RBM46: variants seen among roughly 807,000 people sequenced by gnomAD.
The protein encoded by RBM46 is probable RNA-binding protein 46.
A neutral mutation model predicts 43.3 loss-of-function variants in RBM46; 12 were observed. The ratio of observed to expected loss-of-function variants is 0.28; its 90% CI spans 0.18 to 0.45. The LOEUF is 0.45. RBM46 is among the 20% of genes least tolerant of loss of function. The pLI is 1.00. For synonymous variants in RBM46, 205 were observed against 207.6 expected, an observed-to-expected ratio of 0.99 and a Z score of 0.11; for missense variants, 412 against 639.1, an observed-to-expected ratio of 0.64 and a Z score of 3.83.
chr4:154,793,280 T>C (rs965937418), intron 1 of RBM46, among the ~76,000 whole-genome samples: 3 of 152,226 alleles, frequency 2.0e-5, no homozygotes, highest in East Asian at 3.8e-4. Flanking sequence ...AGGAGCTAGA[T>C]ATTTTCTAGA....
chr4:154,805,496 T>G (rs1320533991), intron 4 of RBM46, among the ~76,000 whole-genome samples: 1 of 152,096 alleles, frequency 6.6e-6, no homozygotes, highest in Non-Finnish European at 1.5e-5. Flanking sequence ...TTAGTAGATA[T>G]ATATTCTAAG....
At chr4:154,821,461 A>G (rs1405740766) in intron 4 of RBM46, among the ~76,000 whole-genome samples, 4 of 151,698 alleles carry the variant, frequency 2.6e-5, no homozygotes, top group African/African-American at 7.2e-5. Context: ...TTTTTCTCTC[A>G]TAAGCTGCTG....
chr4:154,794,212 A>C, intron 1 of RBM46, among the ~76,000 whole-genome samples: 2 of 115,878 alleles, frequency 1.7e-5, no homozygotes, highest in African/African-American at 3.6e-5. Flanking sequence ...ATGGATTCTC[A>C]CTCTTTGGCC....
chr4:154,818,005 C>T (rs991861645), intron 4 of RBM46, among the ~76,000 whole-genome samples: 4 of 151,984 alleles, frequency 2.6e-5, no homozygotes, highest in Non-Finnish European at 5.9e-5. Context: ...GAACTTAGTA[C>T]ACTTTGACTT....
rs1256698747 is a variant in RBM46, at chr4:154,784,000, T to TCCATTGACCTGGCAA, written c.-12+2584_-12+2598dup. ...GCTGCTTAAAAACAAACAGAAAACCTCCATTGACCTGGCAACCATTGACCT... is the reference window on the plus strand; with the variant it reads ...GCTGCTTAAAAACAAACAGAAAACCTCCATTGACCTGGCAACCATTGACCTGGCAACCATTGACCT... On this transcript the variant is annotated intron_variant, in intron 1 of 4. Coordinates refer to ENST00000281722, the MANE Select transcript of RBM46 (RefSeq NM_144979.5). 3.3e-5 allele frequency among the ~76,000 whole-genome samples: 5 copies of TCCATTGACCTGGCAA among 152,126 alleles called. No individual in the cohort carries two copies. In the East Asian group the frequency reaches 7.8e-4, roughly 24 times the overall value.
At chr4:154,788,368 G>T (rs1366070018) in intron 1 of RBM46, among the ~76,000 whole-genome samples, 1 of 152,144 alleles carries the variant, frequency 6.6e-6, no homozygotes, top group Non-Finnish European at 1.5e-5. Context: ...TTTATATAAG[G>T]TGTAAGGAAG....
rs34773010 is a variant in RBM46 at position 154,828,370 on chromosome 4, GTTTT to G, written c.*315_*318del. 3.6e-5 allele frequency: 7 copies of G among 195,086 alleles called. No individual in the cohort carries two copies. The highest frequency in any genetic ancestry group is 8.3e-5 in the South Asian group (1 of 12,034). 12.1% of individuals were successfully genotyped at this position (195,086 alleles called of 1,614,324 possible). ...TGGGCAATAGAACCTAGTCATTTAT[GTTTT>G]TTTTTTTTTTTGCATAATTTTACTA... is the stretch of plus-strand genomic sequence containing the variant. On this transcript the variant is annotated 3_prime_UTR_variant, in exon 5 of 5. Coordinates refer to ENST00000281722, the MANE Select transcript of RBM46 (RefSeq NM_144979.5).
In RBM46 at chr4:154,828,112, A is replaced by AAC; in HGVS notation, c.*45_*46insAC. Reference sequence around the variant, plus strand: ...ATGAAAATTTGTGTAAATTTGTAGTATGAAAACTTGCAAATTAAAATATTG... The same window carrying AAC: ...ATGAAAATTTGTGTAAATTTGTAGTAACTGAAAACTTGCAAATTAAAATATTG... On this transcript the variant is annotated 3_prime_UTR_variant, in exon 5 of 5. Coordinates refer to ENST00000281722, the MANE Select transcript of RBM46 (RefSeq NM_144979.5). 7.3e-7 allele frequency: 1 copy of AAC among 1,370,318 alleles called. No individual in the cohort carries two copies. Among genetic ancestry groups the AAC allele is most frequent in the East Asian group, 2.3e-5 (1 of 43,676 alleles). 84.9% of individuals were successfully genotyped at this position (1,370,318 alleles called of 1,614,324 possible).
chr4:154,800,574 C>T (rs1161126768), intron 4 of RBM46, among the ~76,000 whole-genome samples: 2 of 152,072 alleles, frequency 1.3e-5, no homozygotes, highest in Non-Finnish European at 2.9e-5. Flanking sequence ...ATGGTGTTTT[C>T]CTACTTTCTG....
At chr4:154,802,570 G>C (rs979805446) in intron 4 of RBM46, among the ~76,000 whole-genome samples, 13 of 152,128 alleles carry the variant, frequency 8.5e-5, no homozygotes, top group African/African-American at 3.1e-4. Context: ...TGGTGGTAGT[G>C]GTGTGTTCTT....
At chr4:154,804,675 C>A (rs1027072098) in intron 4 of RBM46, among the ~76,000 whole-genome samples, 2 of 152,068 alleles carry the variant, frequency 1.3e-5, no homozygotes, top group Non-Finnish European at 2.9e-5. Context: ...AATACTGATA[C>A]AAGTGGTATT....
intron 4 of RBM46, among the ~76,000 whole-genome samples, chr4:154,804,076 ATGAATAAAAGTTCCT>A (rs1324918392): frequency 6.6e-6 from 1 of 152,174 alleles, no homozygotes; most frequent in Non-Finnish European, 1.5e-5. Flanking sequence ...GCCCTCAGCC[ATGAATAAAAGTTCCT>A]TGAGGCCTTC....
At chr4:154,825,043 C>A (rs156562) in intron 4 of RBM46, among the ~76,000 whole-genome samples, 4,907 of 151,964 alleles carry the variant, frequency 0.032, 282 homozygotes, top group African/African-American at 0.11. Flanking sequence ...ATCAGTGTTC[C>A]AAGTGTTAAG....
chr4:154,807,093 T>C (rs1734942863), intron 4 of RBM46, among the ~76,000 whole-genome samples: 1 of 151,804 alleles, frequency 6.6e-6, no homozygotes, highest in African/African-American at 2.4e-5. Context: ...TTCATATTTT[T>C]AAAAATGGTT....
chr4:154,818,208 G>A (rs1353556776), intron 4 of RBM46, among the ~76,000 whole-genome samples: 2 of 151,918 alleles, frequency 1.3e-5, no homozygotes, highest in Non-Finnish European at 2.9e-5. Flanking sequence ...CCATCTCTAA[G>A]CTTCCACTAG....
intron 4 of RBM46, 91 bp downstream of exon 4, chr4:154,799,655 T>G (rs1394828015): frequency 1.2e-6 from 1 of 848,246 alleles, no homozygotes; most frequent in Non-Finnish European, 1.7e-6. Flanking sequence ...AACTCAACAT[T>G]AGTGGTAAGT....
Position 154,827,371 on chromosome 4 carries a change from T to C in RBM46, c.1403-497T>C. 1.1e-5 allele frequency: 11 copies of C among 984,832 alleles called. No individual in the cohort carries two copies. The South Asian group carries it at 1.9e-4, about 17-fold the overall frequency. The allele number at this position is 984,832 out of a possible 1,614,324, so 61.0% of individuals were successfully genotyped here. A position where few individuals can be genotyped will look rare whatever the true frequency, so the allele number is the denominator to read the frequency against. On this transcript the variant is annotated intron_variant, in intron 4 of 4. Coordinates refer to ENST00000281722, the MANE Select transcript of RBM46 (RefSeq NM_144979.5). ...TTAGATAAGTGTTTATATTAGTATTTAAATAATGAAATATTGGCCAGCTAG... is the reference window on the plus strand; with the variant it reads ...TTAGATAAGTGTTTATATTAGTATTCAAATAATGAAATATTGGCCAGCTAG...
rs1388688382 is a variant in RBM46, at chr4:154,796,842, A to G, written c.90A>G (p.Glu30=). 10 of 1,614,018 alleles carry G rather than the reference A, an allele frequency of 6.2e-6. No individual in the cohort carries two copies. In the South Asian group the frequency reaches 8.8e-5, roughly 14 times the overall value. The change falls in exon 2 of 5, where the codon GAA becomes GAG. Residue 30 remains glutamate, a synonymous_variant. Coordinates refer to ENST00000281722, the MANE Select transcript of RBM46 (RefSeq NM_144979.5). ...AAGCAGCATTACTTGCTTTGATGGAAAAGACTGGTTACAACATGGTTCAGG... is the reference window on the plus strand; with the variant it reads ...AAGCAGCATTACTTGCTTTGATGGAGAAGACTGGTTACAACATGGTTCAGG... The part of the protein sequence containing the change: ...QNEAALLALM[E]KTGYNMVQEN...
At chr4:154,800,812 T>A (rs911126860) in intron 4 of RBM46, among the ~76,000 whole-genome samples, 1 of 152,180 alleles carries the variant, frequency 6.6e-6, no homozygotes, top group African/African-American at 2.4e-5. Flanking sequence ...TTTATATGGT[T>A]GCAGAACCAT....
Sources: gnomAD v4.1 joint callset for allele counts (sites outside exome capture counted in the v4.1 genomes callset) on GRCh38, gnomAD v4.1.1 for gene constraint, MANE v1.5 for transcripts, NCBI Gene and HGNC (gene_info 2026-07-23, HGNC 2026-07-21) for gene names.